Variants in KIFAP3 observed in about 807,000 individuals in gnomAD.
KIFAP3 encodes the protein kinesin associated protein 3.
Under a neutral mutation model 106.5 loss-of-function variants are expected in KIFAP3, and 68 were observed. The ratio of observed to expected loss-of-function variants is 0.64; its 90% confidence interval spans 0.53 to 0.78. The LOEUF (loss-of-function observed/expected upper bound fraction) is 0.78, where lower values mean the gene tolerates loss of function less well. Ranked by LOEUF, KIFAP3 falls within the 30% of genes least tolerant of loss-of-function variation. The probability of loss-of-function intolerance (pLI) is 0.00; values close to 1 mark genes in which losing one functional copy is unlikely to be tolerated. For missense variants in KIFAP3, 780 were observed against 941.8 expected (o/e 0.83, Z 2.25); for synonymous variants, 320 against 311.5 (o/e 1.03, Z -0.29).
chr1:170,029,417 A>C (rs1346828188), intron 8 of KIFAP3, among the ~76,000 whole-genome samples: 1 of 152,080 alleles, frequency 6.6e-6, no homozygotes, highest in Non-Finnish European at 1.5e-5. Context: ...AGGGCCAAAA[A>C]AGAAACCAAA....
At chr1:169,994,710 C>A (rs1667288960) in intron 10 of KIFAP3, among the ~76,000 whole-genome samples, 1 of 151,786 alleles carries the variant, frequency 6.6e-6, no homozygotes, top group Non-Finnish European at 1.5e-5. Context: ...TTATTTATTT[C>A]ATCTATTTTT....
At chr1:170,054,115 C>T (rs905899894) in intron 2 of KIFAP3, among the ~76,000 whole-genome samples, 1 of 152,128 alleles carries the variant, frequency 6.6e-6, no homozygotes, top group Non-Finnish European at 1.5e-5. Context: ...GTCTAATATC[C>T]AGAATCCACA....
Position 170,066,186 on chromosome 1 carries a change from C to G in KIFAP3, c.32+8250G>C, listed in dbSNP as rs76940942. Reference sequence around the variant, plus strand: ...GGTCTATTGCCTACACCCCCCCCCCCATTCTTTATGTTATAGCTGTCATAT... The same window carrying G: ...GGTCTATTGCCTACACCCCCCCCCCGATTCTTTATGTTATAGCTGTCATAT... On this transcript the variant is annotated intron_variant, in intron 1 of 19. Transcript: ENST00000361580. Among the ~76,000 whole-genome samples the G allele has an allele frequency of 4.9e-4, 50 of 101,540 alleles. 1 individual carries two copies. In the East Asian group the frequency reaches 5.5e-3, roughly 11 times the overall value. 66.6% of individuals were successfully genotyped at this position (101,540 alleles called of 152,430 possible). A position where few individuals can be genotyped will look rare whatever the true frequency, so the allele number is the denominator to read the frequency against.
intron 19 of KIFAP3, among the ~76,000 whole-genome samples, chr1:169,935,814 C>T (rs550983451): frequency 6.6e-5 from 10 of 151,910 alleles, no homozygotes; most frequent in Non-Finnish European, 1.2e-4. Context: ...CTAATAATTA[C>T]GTTTAAATAC....
At chr1:169,993,106 CTTTT>C (rs202163966) in intron 10 of KIFAP3, among the ~76,000 whole-genome samples, 1 of 130,710 alleles carries the variant, frequency 7.7e-6, no homozygotes, top group African/African-American at 2.8e-5. Flanking sequence ...CTTTTCTGTC[CTTTT>C]TTTTTTTTTT....
intron 1 of KIFAP3, among the ~76,000 whole-genome samples, chr1:170,058,687 AT>A (rs959258046): frequency 5.9e-5 from 9 of 151,480 alleles, no homozygotes; most frequent in East Asian, 1.9e-4. Flanking sequence ...CCTCCATAAC[AT>A]TTTTTTTTAA....
At chr1:169,969,008 C>A (rs35688996) in intron 17 of KIFAP3, among the ~76,000 whole-genome samples, 25,208 of 151,808 alleles carry the variant, frequency 0.17, 2,241 homozygotes, top group Middle Eastern at 0.22. Context: ...TCTCATTAAA[C>A]CCAATTAGAG....
intron 15 of KIFAP3, among the ~76,000 whole-genome samples, chr1:169,981,427 G>A (rs540297206): frequency 7.1e-4 from 108 of 152,202 alleles, no homozygotes; most frequent in African/African-American, 2.5e-3. Context: ...GCATAGTATT[G>A]CAATGCTTGT....
intron 9 of KIFAP3, among the ~76,000 whole-genome samples, chr1:170,018,202 AT>A (rs890955188): frequency 1.3e-5 from 2 of 152,042 alleles, no homozygotes; most frequent in Admixed American, 6.6e-5. Flanking sequence ...AGCCATGCTC[AT>A]TTTTTTTACC....
chr1:170,076,193 A>G (rs1671904198), upstream of KIFAP3, among the ~76,000 whole-genome samples: 2 of 152,188 alleles, frequency 1.3e-5, no homozygotes, highest in South Asian at 2.1e-4. Context: ...AAAAAATGCA[A>G]ACCTGAGCTT....
At chr1:170,039,656 A>G (rs1669874071) in intron 3 of KIFAP3, among the ~76,000 whole-genome samples, 1 of 152,144 alleles carries the variant, frequency 6.6e-6, no homozygotes, top group Non-Finnish European at 1.5e-5. Flanking sequence ...CAATAAGGCA[A>G]AGAAAAAAGT....
At chr1:169,954,346 A>G (rs750132978) in intron 18 of KIFAP3, among the ~76,000 whole-genome samples, 2 of 152,204 alleles carry the variant, frequency 1.3e-5, no homozygotes, top group Non-Finnish European at 2.9e-5. Context: ...ATTTGGCACT[A>G]TGTGAGTACA....
At chr1:169,931,870 G>A (rs1189259484) in intron 19 of KIFAP3, among the ~76,000 whole-genome samples, 1 of 152,166 alleles carries the variant, frequency 6.6e-6, no homozygotes, top group Non-Finnish European at 1.5e-5. Flanking sequence ...TAATTACTAT[G>A]TAATGCTAAC....
intron 1 of KIFAP3, among the ~76,000 whole-genome samples, chr1:170,065,846 A>G (rs1308973096): frequency 2.0e-5 from 3 of 152,156 alleles, no homozygotes; most frequent in Non-Finnish European, 2.9e-5. Flanking sequence ...TTGATGATGC[A>G]GCTGTAAGTC....
rs12122764 is a variant in KIFAP3 at position 169,949,490 on chromosome 1, C to T, written c.2273+4521G>A. On this transcript the variant is annotated intron_variant, in intron 19 of 19. Coordinates refer to ENST00000361580, the MANE Select transcript of KIFAP3 (RefSeq NM_014970.4). ...TGGATTCCTATAAAAGAAAAATGGA[C>T]CATTTTTACTGCAACAAAAACTGAT... 1.9e-3 allele frequency among the ~76,000 whole-genome samples: 289 copies of T among 151,966 alleles called. 1 individual carries two copies. Among genetic ancestry groups the T allele is most frequent in the Middle Eastern group, 6.8e-3 (2 of 294 alleles).
At chr1:169,981,852 T>TTGC in intron 15 of KIFAP3, 120 bp downstream of exon 15, 1 of 746,842 alleles carries the variant, frequency 1.3e-6, no homozygotes, top group Non-Finnish European at 2.1e-6. Context: ...ATTATATAAG[T>TTGC]TGCTATGAAA....
intron 1 of KIFAP3, among the ~76,000 whole-genome samples, chr1:170,060,562 A>C (rs950850648): frequency 5.3e-5 from 8 of 152,238 alleles, no homozygotes; most frequent in African/African-American, 1.9e-4. Context: ...GGAAGAATCA[A>C]TATCGTGAAA....
At chr1:170,034,598 T>G (rs1038010998) in intron 6 of KIFAP3, 102 bp from the exon 7 acceptor site, 1 of 523,702 alleles carries the variant, frequency 1.9e-6, no homozygotes, top group African/African-American at 2.0e-5. Flanking sequence ...AGAAAATAAA[T>G]TTGATATACA....
At chr1:170,011,930 C>T (rs1220707038) in intron 10 of KIFAP3, among the ~76,000 whole-genome samples, 1 of 152,040 alleles carries the variant, frequency 6.6e-6, no homozygotes, top group Non-Finnish European at 1.5e-5. Context: ...ATCAATTATA[C>T]ACTAAATGCA....
Sources: allele counts gnomAD v4.1 joint callset (sites outside exome capture counted in the v4.1 genomes callset), GRCh38; gene constraint gnomAD v4.1.1; transcripts MANE v1.5; gene names NCBI Gene and HGNC (gene_info 2026-07-23, HGNC 2026-07-21).